ADAMTSL1: variants seen among roughly 807,000 people sequenced by gnomAD.
ADAMTSL1 encodes the protein ADAMTS-like protein 1.
In ADAMTSL1, 126 loss-of-function variants were observed where a neutral mutation model predicts 201.8. The observed-to-expected ratio is 0.62, with a 90% CI of 0.54 to 0.72. ADAMTSL1 has a LOEUF of 0.72. Among genes scored for constraint, ADAMTSL1 ranks in the 30% least tolerant of loss-of-function variants. The probability of loss-of-function intolerance (pLI) is 0.00; values close to 1 mark genes in which losing one functional copy is unlikely to be tolerated. For synonymous variants in ADAMTSL1, 1,121 were observed against 903.4 expected, an observed-to-expected ratio of 1.24 and a Z score of -4.32; for missense variants, 2,679 against 2,277.8, an observed-to-expected ratio of 1.18 and a Z score of -3.59.
intron 21 of ADAMTSL1, among the ~76,000 whole-genome samples, chr9:18,824,044 G>T (rs4313669): frequency 3.5e-4 from 53 of 151,268 alleles, no homozygotes; most frequent in African/African-American, 1.2e-3. Flanking sequence ...AACGAAGGAA[G>T]GAAGGAAGGA....
rs562161580 is a variant in ADAMTSL1 at position 18,496,386 on chromosome 9, G to A, written c.64-8443G>A. On this transcript the variant is annotated intron_variant, in intron 1 of 28. Coordinates refer to ENST00000380548, the MANE Select transcript of ADAMTSL1 (RefSeq NM_001040272.6). The stretch of plus-strand genomic sequence containing the variant: ...AATCCCACACATCCTACAATATCTG[G>A]ATGGTATTTAAGAGAGAACGCATCC... Among the ~76,000 whole-genome samples, 35 of 152,304 alleles carry A rather than the reference G, an allele frequency of 2.3e-4. No homozygotes were observed. The South Asian group carries it at 7.2e-3, about 32-fold the overall frequency.
intron 2 of ADAMTSL1, among the ~76,000 whole-genome samples, chr9:18,419,185 CA>C (rs1386063972): frequency 6.6e-6 from 1 of 152,092 alleles, no homozygotes; most frequent in East Asian, 1.9e-4. Context: ...ATACCTTATG[CA>C]AAAATTAACT....
At chr9:18,634,330 G>A (rs527276578) in intron 5 of ADAMTSL1, among the ~76,000 whole-genome samples, 3 of 152,194 alleles carry the variant, frequency 2.0e-5, no homozygotes, top group East Asian at 1.9e-4. Context: ...TTGGGAGGCC[G>A]AGGCAGGTGG....
intron 1 of ADAMTSL1, among the ~76,000 whole-genome samples, chr9:17,976,014 A>C (rs1442654546): frequency 6.6e-6 from 1 of 152,066 alleles, no homozygotes; most frequent in Non-Finnish European, 1.5e-5. Context: ...AACTTTGTTG[A>C]AGATTACTTC....
At chr9:18,890,053 C>T (rs1829148002) in intron 25 of ADAMTSL1, among the ~76,000 whole-genome samples, 1 of 152,160 alleles carries the variant, frequency 6.6e-6, no homozygotes, top group African/African-American at 2.4e-5. Flanking sequence ...CATAGACGCC[C>T]CCCATCCTAC....
intron 2 of ADAMTSL1, among the ~76,000 whole-genome samples, chr9:18,226,750 G>A (rs1376651671): frequency 6.6e-6 from 1 of 152,078 alleles, no homozygotes; most frequent in Non-Finnish European, 1.5e-5. Context: ...AGATTTGAAA[G>A]GACAGTGCCT....
intron 25 of ADAMTSL1, among the ~76,000 whole-genome samples, chr9:18,891,326 G>A (rs768637604): frequency 3.3e-5 from 5 of 152,178 alleles, no homozygotes; most frequent in African/African-American, 9.7e-5. Flanking sequence ...CCAGGTAGCT[G>A]TTTTTTAACC....
At chr9:18,095,475 T>C (rs1031184548) in intron 1 of ADAMTSL1, among the ~76,000 whole-genome samples, 9 of 141,820 alleles carry the variant, frequency 6.3e-5, no homozygotes, top group Middle Eastern at 3.9e-3. Context: ...CAGGCCAGAG[T>C]GCAGTGGCAC....
intron 3 of ADAMTSL1, among the ~76,000 whole-genome samples, chr9:18,572,366 T>C (rs902292582): frequency 2.1e-4 from 31 of 147,008 alleles, no homozygotes; most frequent in African/African-American, 7.6e-4. Context: ...TTATGGATCT[T>C]AAAAAATTTA....
chr9:18,889,783 C>T, intron 25 of ADAMTSL1, 35 bp downstream of exon 25: 3 of 1,426,162 alleles, frequency 2.1e-6, no homozygotes, highest in East Asian at 2.7e-5. Flanking sequence ...GACCTCCCCA[C>T]CCTAGGAGGA....
chr9:18,710,014 C>G (rs1832463184), intron 14 of ADAMTSL1, among the ~76,000 whole-genome samples: 1 of 152,188 alleles, frequency 6.6e-6, no homozygotes, highest in Non-Finnish European at 1.5e-5. Flanking sequence ...TATATTAGCT[C>G]TTTTGGAAAG....
intron 2 of ADAMTSL1, among the ~76,000 whole-genome samples, chr9:18,361,062 G>A (rs545674355): frequency 1.3e-5 from 2 of 152,260 alleles, no homozygotes; most frequent in South Asian, 4.2e-4. Context: ...TTGGAATGCA[G>A]GAGTTTTATA....
Position 18,639,407 on chromosome 9 carries a change from T to C in ADAMTSL1, c.830T>C (p.Val277Ala), listed in dbSNP as rs1321157196. The C allele has an allele frequency of 6.2e-6, 10 of 1,612,140 alleles. No individual in the cohort carries two copies. The Admixed American group carries it at 1.7e-4, about 27-fold the overall frequency. ...GGACCACTCACAGCAGATTTCATTG[T>C]CAAGGTGAGCCCTATTTAGATACCT... is the stretch of plus-strand genomic sequence containing the variant. Reference protein sequence around the residue: ...MAGPLTADFIVKIRNSGSADS... With the variant: ...MAGPLTADFIAKIRNSGSADS... The change falls in exon 7 of 29, where the codon GTC (valine) becomes GCC (alanine). Residue 277 changes from valine (V) to alanine (A), a missense_variant. By Grantham distance (64) the Val-to-Ala change is moderately conservative. Coordinates refer to ENST00000380548, the MANE Select transcript of ADAMTSL1 (RefSeq NM_001040272.6).
rs777245278 is a variant in ADAMTSL1, at chr9:18,829,988, C to A, written c.4249+11C>A. 1.9e-6 allele frequency: 3 copies of A among 1,599,252 alleles called. No homozygotes were observed. The highest frequency in any genetic ancestry group is 1.1e-5 in the South Asian group (1 of 88,634). ...ATTCTGCTCTCCTTGGTGAGTCTAA[C>A]CCTCGGAAACATTGGGCAGAAAGCC... On this transcript the variant is annotated intron_variant, in intron 23 of 28. Coordinates refer to ENST00000380548, the MANE Select transcript of ADAMTSL1 (RefSeq NM_001040272.6).
chr9:18,216,497 G>C lies in ADAMTSL1; in HGVS notation c.207+52516G>C, dbSNP rs562976289. ...AGAATAACTTAGCATAGGCATGAGG[G>C]GAGAAAACACCACACAGTTTAGGAG... On this transcript the variant is annotated intron_variant, in intron 2 of 29. Transcript: ENST00000680146. 2.8e-4 allele frequency among the ~76,000 whole-genome samples: 42 copies of C among 152,154 alleles called. No homozygotes were observed. The South Asian group carries it at 8.3e-3, about 30-fold the overall frequency.
At chr9:18,682,465 C>G (rs576081591) in intron 12 of ADAMTSL1, among the ~76,000 whole-genome samples, 5 of 151,920 alleles carry the variant, frequency 3.3e-5, no homozygotes, top group African/African-American at 4.8e-5. Flanking sequence ...TAAAATATAT[C>G]AGAATTTAAA....
intron 2 of ADAMTSL1, among the ~76,000 whole-genome samples, chr9:18,213,957 G>C (rs1002215336): frequency 6.6e-6 from 1 of 152,026 alleles, no homozygotes. Flanking sequence ...GGCTGGTCTC[G>C]AACTCCTGAC....
At chr9:18,040,511 T>G (rs1258650775) in intron 1 of ADAMTSL1, among the ~76,000 whole-genome samples, 1 of 152,206 alleles carries the variant, frequency 6.6e-6, no homozygotes, top group Non-Finnish European at 1.5e-5. Flanking sequence ...TGGGAAATTA[T>G]ACATTATGTG....
intron 2 of ADAMTSL1, among the ~76,000 whole-genome samples, chr9:18,437,773 C>T (rs1232251775): frequency 6.6e-6 from 1 of 152,016 alleles, no homozygotes; most frequent in Non-Finnish European, 1.5e-5. Context: ...AGTATTAACC[C>T]CAGGAGATCA....
Sources: allele counts gnomAD v4.1 joint callset (sites outside exome capture counted in the v4.1 genomes callset), GRCh38; gene constraint gnomAD v4.1.1; transcripts MANE v1.5; gene names NCBI Gene and HGNC (gene_info 2026-07-23, HGNC 2026-07-21).